Variants in GRIA3 observed in about 807,000 individuals in gnomAD.
GRIA3 encodes glutamate ionotropic receptor AMPA type subunit 3, also known as glutamate receptor 3.
Under a neutral mutation model 63.0 loss-of-function variants are expected in GRIA3, and 3 were observed. The ratio of observed to expected loss-of-function variants is 0.05; its 90% CI spans 0.02 to 0.12. The LOEUF is 0.12. Ranked by LOEUF, GRIA3 falls within the 10% of genes least tolerant of loss-of-function variation. The pLI, the probability that GRIA3 is intolerant of heterozygous loss-of-function variation, is 1.00. For synonymous variants in GRIA3, 274 were observed against 257.9 expected, an observed-to-expected ratio of 1.06 and a Z score of -0.60; for missense variants, 347 against 700.9, an observed-to-expected ratio of 0.50 and a Z score of 5.70.
At chrX:123,203,777 A>G (rs1425963488) in intron 2 of GRIA3, among the ~76,000 whole-genome samples, 1 of 112,077 alleles carries the variant, frequency 8.9e-6, no homozygotes, top group African/African-American at 3.2e-5. Flanking sequence ...AATATTAGAG[A>G]CAGCATTGTA....
chrX:123,346,556 T>A (rs2045051055), intron 4 of GRIA3, among the ~76,000 whole-genome samples: 1 of 112,692 alleles, frequency 8.9e-6, no homozygotes, highest in Admixed American at 9.4e-5. Flanking sequence ...GTTACCTGTT[T>A]GTCAGGTTCC....
intron 2 of GRIA3, among the ~76,000 whole-genome samples, chrX:123,206,349 C>G (rs1423855947): frequency 8.9e-6 from 1 of 111,808 alleles, no homozygotes; most frequent in Non-Finnish European, 1.9e-5. Context: ...TGTCACTTAG[C>G]TAATGGTGTG....
At chrX:123,441,350 G>A (rs2045673043) in intron 12 of GRIA3, among the ~76,000 whole-genome samples, 1 of 111,538 alleles carries the variant, frequency 9.0e-6, no homozygotes, top group Non-Finnish European at 1.9e-5. Flanking sequence ...AAAACAATTA[G>A]TTTCTGAGAA....
At chrX:123,296,744 G>A (rs771866808) in intron 3 of GRIA3, among the ~76,000 whole-genome samples, 1 of 111,150 alleles carries the variant, frequency 9.0e-6, no homozygotes, top group East Asian at 2.8e-4. Context: ...GCAGAAAATG[G>A]AAGCCTTTAC....
At chrX:123,218,560 C>T (rs1603031675) in intron 2 of GRIA3, among the ~76,000 whole-genome samples, 2 of 111,112 alleles carry the variant, frequency 1.8e-5, no homozygotes, top group African/African-American at 6.6e-5. Flanking sequence ...CCCAGGTTCA[C>T]GCCATTCTCC....
chrX:123,222,276 C>T (rs2044223331), intron 2 of GRIA3, among the ~76,000 whole-genome samples: 1 of 112,225 alleles, frequency 8.9e-6, no homozygotes, highest in Admixed American at 9.5e-5. Flanking sequence ...ATAGCAGACA[C>T]TCAAAATATT....
chrX:123,393,453 A>T (rs2045397298), intron 5 of GRIA3, among the ~76,000 whole-genome samples: 1 of 112,501 alleles, frequency 8.9e-6, no homozygotes, highest in Non-Finnish European at 1.9e-5. Context: ...TAAAGAATGG[A>T]TATGGATTTG....
intron 3 of GRIA3, among the ~76,000 whole-genome samples, chrX:123,285,275 C>T (rs1219230796): frequency 1.8e-5 from 2 of 110,537 alleles, no homozygotes; most frequent in Admixed American, 9.7e-5. Context: ...ATGGAAAAAC[C>T]GGTACCAGCC....
chrX:123,368,926 C>T (rs1051407052), intron 5 of GRIA3, among the ~76,000 whole-genome samples: 83 of 111,615 alleles, frequency 7.4e-4, no homozygotes, highest in African/African-American at 2.6e-3. Flanking sequence ...AGATTGGTGC[C>T]GGATAGCAAA....
At chrX:123,400,217 G>GA (rs1372293953) in intron 7 of GRIA3, among the ~76,000 whole-genome samples, 1 of 108,573 alleles carries the variant, frequency 9.2e-6, no homozygotes, top group Non-Finnish European at 1.9e-5. Flanking sequence ...ATTGGGCTAG[G>GA]AAAAAAAAAT....
At chrX:123,407,704 G>GGGGGGGGGGGGA (rs2045483626) in intron 10 of GRIA3, among the ~76,000 whole-genome samples, 2 of 55,143 alleles carry the variant, frequency 3.6e-5, no homozygotes, top group Non-Finnish European at 7.0e-5. Context: ...GGGGGGGGGG[G>GGGGGGGGGGGGA]ACGTGGGGAC....
intron 11 of GRIA3, among the ~76,000 whole-genome samples, chrX:123,424,413 G>T (rs889027345): frequency 2.7e-5 from 3 of 111,536 alleles, no homozygotes; most frequent in Non-Finnish European, 5.7e-5. Flanking sequence ...GGATTGAGGC[G>T]CTTATGCTAA....
chrX:123,342,791 T>C (rs1603102304), intron 4 of GRIA3, among the ~76,000 whole-genome samples: 2 of 111,708 alleles, frequency 1.8e-5, no homozygotes, highest in East Asian at 5.6e-4. Context: ...GGGAATTCCC[T>C]GGATGCCCAG....
chrX:123,426,103 A>G (rs964492594), intron 11 of GRIA3, among the ~76,000 whole-genome samples: 2 of 111,326 alleles, frequency 1.8e-5, no homozygotes, highest in African/African-American at 3.3e-5. Flanking sequence ...CCTATTCTTG[A>G]CTTTATGACA....
At chrX:123,303,191 T>G (rs964986670) in intron 3 of GRIA3, among the ~76,000 whole-genome samples, 1 of 111,062 alleles carries the variant, frequency 9.0e-6, no homozygotes, top group Admixed American at 9.6e-5. Context: ...TTCTCAGTAG[T>G]GGGAAAAATC....
At chrX:123,332,399 T>G (rs2044947273) in intron 4 of GRIA3, among the ~76,000 whole-genome samples, 1 of 111,931 alleles carries the variant, frequency 8.9e-6, no homozygotes. Flanking sequence ...TGTGTATGCT[T>G]ATATATCTCA....
At chrX:123,325,923 A>T in intron 3 of GRIA3, 103 bp from the exon 4 acceptor site, 1 of 663,597 alleles carries the variant, frequency 1.5e-6, no homozygotes, top group Admixed American at 2.6e-5. Context: ...CATAATGGAT[A>T]AGGTTCAAAG....
chrX:123,469,867 C>T (rs549930587), intron 13 of GRIA3, among the ~76,000 whole-genome samples: 1 of 112,003 alleles, frequency 8.9e-6, no homozygotes, highest in African/African-American at 3.2e-5. Flanking sequence ...TGTTCTTATC[C>T]ACCCTACTTC....
chrX:123,437,849 C>T (rs931287754), intron 12 of GRIA3, among the ~76,000 whole-genome samples: 7 of 111,720 alleles, frequency 6.3e-5, no homozygotes, highest in Non-Finnish European at 1.1e-4. Context: ...CGTTGGAGAA[C>T]GTTAGCTGTC....
Sources: gnomAD v4.1 joint callset for allele counts (sites outside exome capture counted in the v4.1 genomes callset) on GRCh38, gnomAD v4.1.1 for gene constraint, MANE v1.5 for transcripts, NCBI Gene and HGNC (gene_info 2026-07-23, HGNC 2026-07-21) for gene names.